The following BIRC6 variants were observed in gnomAD, a reference collection of about 807,000 sequenced individuals.
The protein encoded by BIRC6 is baculoviral IAP repeat containing 6.
A neutral mutation model predicts 503.3 loss-of-function variants in BIRC6; 98 were observed. The ratio of observed to expected loss-of-function variants is 0.19; its 90% CI spans 0.17 to 0.23. BIRC6 has a LOEUF of 0.23. BIRC6 is among the 10% of genes least tolerant of loss of function. The probability of loss-of-function intolerance (pLI) is 1.00; values close to 1 mark genes in which losing one functional copy is unlikely to be tolerated. For missense variants in BIRC6, 5,360 were observed against 5,806.0 expected, an observed-to-expected ratio of 0.92 and a Z score of 2.50; for synonymous variants, 2,240 against 2,078.7, an observed-to-expected ratio of 1.08 and a Z score of -2.11.
chr2:32,413,010 C>CTTTTTT (rs377340755), intron 9 of BIRC6, among the ~76,000 whole-genome samples: 1 of 141,520 alleles, frequency 7.1e-6, no homozygotes, highest in Non-Finnish European at 1.6e-5. Context: ...ATTGAAAAGA[C>CTTTTTT]TTTTTTTTTT....
chr2:32,496,264 C>T (rs1343393779), intron 45 of BIRC6, among the ~76,000 whole-genome samples: 2 of 150,750 alleles, frequency 1.3e-5, no homozygotes, highest in South Asian at 2.1e-4. Flanking sequence ...TTTGCTCTGT[C>T]GCCCAGGATG....
chr2:32,439,576 G>C lies in BIRC6; in HGVS notation c.3700G>C (p.Glu1234Gln). The C allele has an allele frequency of 6.2e-7, 1 of 1,613,900 alleles. No homozygotes were observed. The highest frequency in any genetic ancestry group is 2.2e-5 in the East Asian group (1 of 44,856). The stretch of plus-strand genomic sequence containing the variant: ...GGCAGTGAATGAAAGAGGAACAGAA[G>C]AGATTTGTAATGGTGGTATGCGTCC... ...VKAVNERGTE[E>Q]ICNGGMRPVV... The change falls in exon 16 of 74, where the codon GAG becomes CAG. Residue 1234 changes from glutamate to glutamine, a missense_variant. Around this residue, in one of 16 missense-constraint regions of BIRC6, gnomAD observed 2,299 missense variants for 2,267.2 expected, o/e 1.01. Transcript: ENST00000421745.
At chr2:32,493,792 A>C in intron 45 of BIRC6, 125 bp downstream of exon 45, 1 of 703,856 alleles carries the variant, frequency 1.4e-6, no homozygotes, top group African/African-American at 1.8e-5. Flanking sequence ...GGTAGTAATT[A>C]AGGGGGAAGG....
chr2:32,463,265 C>G lies in BIRC6; in HGVS notation c.4825C>G (p.Leu1609Val). The G allele has an allele frequency of 6.2e-7, 1 of 1,613,702 alleles. No individual in the cohort carries two copies. The highest frequency in any genetic ancestry group is 8.5e-7 in the Non-Finnish European group (1 of 1,179,786). The stretch of plus-strand genomic sequence containing the variant: ...GACAGTTGGGGAAGCCTCGACAGCC[C>G]TGAGTTCAGCAGCCCAGGTAGCTTT... The part of the protein sequence containing the change: ...SGTVGEASTA[L>V]SSAAQVALQS... Residue 1609 changes from leucine (L) to valine (V), a missense_variant, in exon 24 of 74, where the codon CTG becomes GTG. Around this residue, in one of 16 missense-constraint regions of BIRC6, gnomAD observed 2,299 missense variants for 2,267.2 expected, o/e 1.01. Transcript: ENST00000421745.
At chr2:32,596,287 A>G (rs1340054419) in intron 68 of BIRC6, among the ~76,000 whole-genome samples, 2 of 151,854 alleles carry the variant, frequency 1.3e-5, no homozygotes, top group South Asian at 4.2e-4. Flanking sequence ...TGAGACCAGC[A>G]TGGCCAACAT....
chr2:32,573,949 T>G (rs982770382), intron 65 of BIRC6, among the ~76,000 whole-genome samples: 1 of 152,196 alleles, frequency 6.6e-6, no homozygotes, highest in Non-Finnish European at 1.5e-5. Context: ...TAACTAGATA[T>G]TTAGTTACAT....
At chr2:32,488,346 A>G (rs893356770) in intron 41 of BIRC6, among the ~76,000 whole-genome samples, 3 of 152,180 alleles carry the variant, frequency 2.0e-5, no homozygotes, top group Non-Finnish European at 4.4e-5. Flanking sequence ...ATTTAGAAGA[A>G]TCTTTTTATG....
Position 32,501,739 on chromosome 2 carries a change from C to G in BIRC6, c.9058C>G (p.His3020Asp). Residue 3020 changes from histidine to aspartate, a missense_variant, in exon 47 of 74, where the codon CAT becomes GAT. Physicochemically the swap from His to Asp is moderately conservative, Grantham distance 81. Coordinates refer to ENST00000421745, the MANE Select transcript of BIRC6 (RefSeq NM_016252.4). Reference protein sequence around the residue: ...IGASGLHLTKHENFHGGLDAI... With the variant: ...IGASGLHLTKDENFHGGLDAI... ...AGCAAGTGGATTACATCTCACTAAA[C>G]ATGAAAACTTTCATGGTGGGTTGGA... The G allele has an allele frequency of 6.2e-7, 1 of 1,612,192 alleles. No individual in the cohort carries two copies.
chr2:32,607,117 AT>A (rs1262866927), intron 71 of BIRC6, among the ~76,000 whole-genome samples: 2 of 151,976 alleles, frequency 1.3e-5, no homozygotes, highest in Non-Finnish European at 2.9e-5. Context: ...TAAAAAAAAA[AT>A]AAACTAAACT....
chr2:32,405,959 A>G (rs1417448262), intron 8 of BIRC6, among the ~76,000 whole-genome samples: 1 of 152,072 alleles, frequency 6.6e-6, no homozygotes, highest in Non-Finnish European at 1.5e-5. Context: ...TCCATACCCT[A>G]TTTCAGTTAG....
chr2:32,610,617 C>G (rs2062801412), intron 72 of BIRC6, among the ~76,000 whole-genome samples: 1 of 152,100 alleles, frequency 6.6e-6, no homozygotes, highest in African/African-American at 2.4e-5. Context: ...AATCTTTTCG[C>G]CTGGTTACTT....
rs528822851 is a variant in BIRC6, at chr2:32,439,367, C to A, written c.3632-141C>A. 38 of 787,576 alleles carry A rather than the reference C, an allele frequency of 4.8e-5. No individual in the cohort carries two copies. In the South Asian group the frequency reaches 7.9e-4, roughly 16 times the overall value. 48.8% of individuals were successfully genotyped at this position (787,576 alleles called of 1,614,324 possible). ...CGTGTGAAGGTGGTTCAACTTTCTT[C>A]TGCTCAAACAGTATAATTTGAAAGT... On this transcript the variant is annotated intron_variant, in intron 15 of 73. Transcript: ENST00000421745.
chr2:32,567,609 A>G (rs1330173426), intron 65 of BIRC6, among the ~76,000 whole-genome samples: 2 of 152,238 alleles, frequency 1.3e-5, no homozygotes, highest in African/African-American at 4.8e-5. Flanking sequence ...GAAAAGCACT[A>G]AAGCTAAATG....
At chr2:32,460,455 T>A (rs959213288) in intron 23 of BIRC6, among the ~76,000 whole-genome samples, 1 of 150,954 alleles carries the variant, frequency 6.6e-6, no homozygotes, top group African/African-American at 2.4e-5. Flanking sequence ...TTTTGTATTT[T>A]TAGTAGAGAC....
chr2:32,493,740 C>A, intron 45 of BIRC6, 73 bp downstream of exon 45: 1 of 1,257,862 alleles, frequency 8.0e-7, no homozygotes. Context: ...TTTTCTTTAA[C>A]ATTTGTTGGG....
intron 1 of BIRC6, among the ~76,000 whole-genome samples, chr2:32,366,951 A>G (rs2035025818): frequency 6.6e-6 from 1 of 152,178 alleles, no homozygotes; most frequent in Admixed American, 6.6e-5. Flanking sequence ...ACTGCACTCC[A>G]GCCTAGGGGA....
intron 10 of BIRC6, among the ~76,000 whole-genome samples, chr2:32,420,966 C>T (rs376061033): frequency 4.9e-5 from 7 of 142,562 alleles, no homozygotes; most frequent in African/African-American, 1.8e-4. Context: ...GAACAACCAG[C>T]TTCTGATTTA....
At chr2:32,400,091 G>C (rs566473801) in intron 6 of BIRC6, among the ~76,000 whole-genome samples, 12 of 152,216 alleles carry the variant, frequency 7.9e-5, no homozygotes, top group African/African-American at 2.4e-4. Flanking sequence ...ACGGTGCCCA[G>C]CCTGTATTTT....
At chr2:32,438,890 G>C (rs1324801679) in intron 15 of BIRC6, among the ~76,000 whole-genome samples, 1 of 152,162 alleles carries the variant, frequency 6.6e-6, no homozygotes, top group Admixed American at 6.5e-5. Context: ...GCCAAGCACA[G>C]TTAACAGTGG....
Sources: gnomAD v4.1 joint callset for allele counts (sites outside exome capture counted in the v4.1 genomes callset) on GRCh38, gnomAD v4.1.1 for gene constraint, gnomAD v4.1.1 regional missense constraint, MANE v1.5 for transcripts, NCBI Gene and HGNC (gene_info 2026-07-23, HGNC 2026-07-21) for gene names.